The following MKRN1 variants were observed in gnomAD, a reference collection of about 807,000 sequenced individuals.
MKRN1 encodes E3 ubiquitin-protein ligase makorin-1.
In MKRN1, 9 loss-of-function variants were observed where a neutral mutation model predicts 55.5. That is an observed-to-expected ratio of 0.16 (90% CI 0.10 to 0.28). MKRN1 has a LOEUF of 0.28. MKRN1 is among the 10% of genes least tolerant of loss of function. The pLI is 1.00. For missense variants in MKRN1, 488 were observed against 626.7 expected, an observed-to-expected ratio of 0.78 and a Z score of 2.36; for synonymous variants, 253 against 235.9, an observed-to-expected ratio of 1.07 and a Z score of -0.66.
At position 140,455,102 on chromosome 7, in the gene MKRN1, C is replaced by T. The variant is rs1468980046; in HGVS notation, c.1229G>A (p.Arg410Lys). ...AAAAACAGTGAGAGTTACCCGGTATCTGCTTGATGTTCCCACTTTCTGTCT... is the reference window on the plus strand; with the variant it reads ...AAAAACAGTGAGAGTTACCCGGTATTTGCTTGATGTTCCCACTTTCTGTCT... ...PQRQKVGTSS[R>K]YRAQRRNHFW... Residue 410 changes from arginine to lysine, a missense_variant, in exon 7 of 8, where the codon AGA becomes AAA. By Grantham distance (26) the Arg-to-Lys change is conservative (BLOSUM62 2). Transcript: ENST00000255977. 2 of 1,613,842 alleles carry T rather than the reference C, an allele frequency of 1.2e-6. No homozygotes were observed. Among genetic ancestry groups the T allele is most frequent in the Non-Finnish European group, 1.7e-6 (2 of 1,179,978 alleles).
chr7:140,463,205 T>C (rs950103977), intron 2 of MKRN1, among the ~76,000 whole-genome samples: 16 of 152,206 alleles, frequency 1.1e-4, no homozygotes, highest in Non-Finnish European at 2.1e-4. Flanking sequence ...CATTGTTCTA[T>C]AGAGTGGAAT....
rs566471740 is a variant in MKRN1, at chr7:140,463,697, A to G, written c.315-3761T>C. On this transcript the variant is annotated intron_variant, in intron 2 of 7. Transcript: ENST00000255977. The stretch of plus-strand genomic sequence containing the variant: ...TCAGGAGATGGAGACCATCCTGGCT[A>G]ACACGGTGAAACCTCGTCTCTACTA... Among the ~76,000 whole-genome samples the G allele has an allele frequency of 4.4e-3, 665 of 152,092 alleles. 5 individuals carry two copies. Among genetic ancestry groups the G allele is most frequent in the African/African-American group, 0.014 (589 of 41,546 alleles).
Position 140,479,171 on chromosome 7 carries a change from C to A in MKRN1, c.174G>T (p.Gln58His), listed in dbSNP as rs1360832538. 1 of 1,444,444 alleles carries A rather than the reference C, an allele frequency of 6.9e-7. No homozygotes were observed. Among genetic ancestry groups the A allele is most frequent in the African/African-American group, 1.5e-5 (1 of 67,066 alleles). The allele number at this position is 1,444,444 out of a possible 1,614,324, so 89.5% of individuals were successfully genotyped here. A position where few individuals can be genotyped will look rare whatever the true frequency, so the allele number is the denominator to read the frequency against. ...SDGSGGGWTK[Q>H]VTCRYFMHGV... ...GCGCAACGTCCTACCTGCAGGTGAC[C>A]TGTTTAGTCCAGCCGCCGCCGCTGC... is the stretch of plus-strand genomic sequence containing the variant. Residue 58 changes from glutamine to histidine, a missense_variant, in exon 1 of 8, where the codon CAG becomes CAT. Transcript: ENST00000255977.
chr7:140,475,594 G>A (rs2130368222), intron 1 of MKRN1, among the ~76,000 whole-genome samples: 1 of 152,260 alleles, frequency 6.6e-6, no homozygotes, highest in South Asian at 2.1e-4. Flanking sequence ...AGCCTGGGAG[G>A]TGGAGGCTGC....
At chr7:140,460,006 G>A in intron 2 of MKRN1, 70 bp from the exon 3 acceptor site, 1 of 1,310,712 alleles carries the variant, frequency 7.6e-7, no homozygotes. Context: ...CAACAGTTTG[G>A]GAAGCTGAGG....
At chr7:140,456,905 T>C (rs1051071387) in intron 4 of MKRN1, 39 bp from the exon 5 acceptor site, 22 of 1,581,004 alleles carry the variant, frequency 1.4e-5, no homozygotes, top group African/African-American at 1.1e-4. Flanking sequence ...AATCCAGTCA[T>C]TGAACCCTGA....
chr7:140,463,574 A>G (rs1381971791), intron 2 of MKRN1, among the ~76,000 whole-genome samples: 1 of 152,346 alleles, frequency 6.6e-6, no homozygotes, highest in East Asian at 1.9e-4. Context: ...GAAATGTTAG[A>G]GCAGCAAGTA....
intron 5 of MKRN1, chr7:140,456,358 G>T (rs937730040): frequency 7.8e-7 from 1 of 1,274,956 alleles, no homozygotes; most frequent in Admixed American, 3.7e-5. Context: ...TTCAGAGCTA[G>T]ATCAGTTTGT....
chr7:140,474,012 A>C (rs1795029265), intron 1 of MKRN1, among the ~76,000 whole-genome samples: 1 of 36,516 alleles, frequency 2.7e-5, no homozygotes, highest in African/African-American at 2.4e-4. Context: ...AAAAAAAGAA[A>C]GAAAGAAAGA....
intron 2 of MKRN1, among the ~76,000 whole-genome samples, chr7:140,470,129 G>A (rs1027617571): frequency 1.3e-5 from 2 of 151,370 alleles, no homozygotes; most frequent in Admixed American, 6.6e-5. Flanking sequence ...GCCAAGGCAG[G>A]AGAATCTCTC....
rs1166998015 is a variant in MKRN1 at position 140,459,353 on chromosome 7, C to G, written c.545-120G>C. 5 of 950,330 alleles carry G rather than the reference C, an allele frequency of 5.3e-6. No homozygotes were observed. In the African/African-American group the frequency reaches 8.3e-5, roughly 16 times the overall value. The allele number at this position is 950,330 out of a possible 1,614,324, so 58.9% of individuals were successfully genotyped here. A position where few individuals can be genotyped will look rare whatever the true frequency, so the allele number is the denominator to read the frequency against. ...TGCAATGAAATACCAAAACAGTCTA[C>G]TGAACTAACTTCTTCACTTGAAAGA... On this transcript the variant is annotated intron_variant, in intron 3 of 7. Coordinates refer to ENST00000255977, the MANE Select transcript of MKRN1 (RefSeq NM_013446.4).
intron 5 of MKRN1, 132 bp from the exon 6 acceptor site, chr7:140,456,032 T>C: frequency 9.9e-7 from 1 of 1,009,590 alleles, no homozygotes; most frequent in Admixed American, 2.5e-5. Context: ...CTGAAAGGGT[T>C]CCACATACTG....
chr7:140,478,445 G>A (rs1275611313), intron 1 of MKRN1: 1 of 152,086 alleles, frequency 6.6e-6, no homozygotes, highest in Non-Finnish European at 1.5e-5. Flanking sequence ...TTCAAAAGAG[G>A]AACATAGCGC....
At chr7:140,475,709 T>C (rs531586684) in intron 1 of MKRN1, among the ~76,000 whole-genome samples, 1 of 152,168 alleles carries the variant, frequency 6.6e-6, no homozygotes, top group Non-Finnish European at 1.5e-5. Context: ...AAGAGTTTTT[T>C]GAAAAATTAA....
intron 2 of MKRN1, among the ~76,000 whole-genome samples, chr7:140,467,073 GTTCAAGTGA>G (rs1190672697): frequency 1.3e-5 from 2 of 152,014 alleles, no homozygotes; most frequent in Non-Finnish European, 2.9e-5. Flanking sequence ...CACCTCCCGG[GTTCAAGTGA>G]TTCTCCTGCC....
At position 140,459,948 on chromosome 7, in the gene MKRN1, T is replaced by A; in HGVS notation, c.315-12A>T. 1 of 1,609,262 alleles carries A rather than the reference T, an allele frequency of 6.2e-7. No individual in the cohort carries two copies. The highest frequency in any genetic ancestry group is 1.1e-5 in the South Asian group (1 of 90,962). On this transcript the variant is annotated splice_polypyrimidine_tract_variant and intron_variant, in intron 2 of 7. Coordinates refer to ENST00000255977, the MANE Select transcript of MKRN1 (RefSeq NM_013446.4). Reference sequence around the variant, plus strand: ...TGCTATGTTCATATCTAAGAAAAAATTCAAAAGTAAGCAGTCGGCCAGTCG... The same window carrying A: ...TGCTATGTTCATATCTAAGAAAAAAATCAAAAGTAAGCAGTCGGCCAGTCG...
Position 140,470,058 on chromosome 7 carries a change from A to AAT in MKRN1, c.314+1824_314+1825insAT, listed in dbSNP as rs1554449407. On this transcript the variant is annotated intron_variant, in intron 2 of 7. Transcript: ENST00000255977. ...CTAGGCTCTGTCTCAAAAAAAAAAAAAAAAAAAAAAAAATTAGCCAGGTGT... is the reference window on the plus strand; with the variant it reads ...CTAGGCTCTGTCTCAAAAAAAAAAAAATAAAAAAAAAAAAATTAGCCAGGTGT... 5.1e-4 allele frequency among the ~76,000 whole-genome samples: 73 copies of AAT among 142,518 alleles called. 1 individual carries two copies. Among genetic ancestry groups the AAT allele is most frequent in the African/African-American group, 1.7e-3 (60 of 36,044 alleles). 93.5% of individuals were successfully genotyped at this position (142,518 alleles called of 152,430 possible). A position where few individuals can be genotyped will look rare whatever the true frequency, so the allele number is the denominator to read the frequency against.
chr7:140,457,077 C>T (rs1794486766), intron 4 of MKRN1, among the ~76,000 whole-genome samples: 1 of 151,774 alleles, frequency 6.6e-6, no homozygotes. Flanking sequence ...CTTAACAATA[C>T]TAGAAAATCA....
At chr7:140,472,683 T>C (rs943905275) in intron 1 of MKRN1, among the ~76,000 whole-genome samples, 5 of 151,250 alleles carry the variant, frequency 3.3e-5, no homozygotes, top group Non-Finnish European at 7.4e-5. Context: ...CCACTGCGCC[T>C]GGCCCTTGTT....
Sources: allele counts gnomAD v4.1 joint callset (sites outside exome capture counted in the v4.1 genomes callset), GRCh38; gene constraint gnomAD v4.1.1; transcripts MANE v1.5; gene names NCBI Gene and HGNC (gene_info 2026-07-23, HGNC 2026-07-21).